Variants in PLEKHA7 observed in about 807,000 individuals in gnomAD.
PLEKHA7 encodes the protein pleckstrin homology domain-containing family A member 7.
A neutral mutation model predicts 170.0 loss-of-function variants in PLEKHA7; 104 were observed. That is an observed-to-expected ratio of 0.61 (90% confidence interval 0.52 to 0.72). The LOEUF (loss-of-function observed/expected upper bound fraction) is 0.72, where lower values mean the gene tolerates loss of function less well. PLEKHA7 is among the 30% of genes least tolerant of loss of function. The probability of loss-of-function intolerance (pLI) is 0.00; values close to 1 mark genes in which losing one functional copy is unlikely to be tolerated. For missense variants in PLEKHA7, 1,615 were observed against 1,671.7 expected (o/e 0.97, Z 0.59); for synonymous variants, 648 against 660.8 (o/e 0.98, Z 0.30).
intron 3 of PLEKHA7, among the ~76,000 whole-genome samples, chr11:16,990,103 G>C (rs1252887338): frequency 1.3e-5 from 2 of 151,864 alleles, no homozygotes; most frequent in African/African-American, 4.8e-5. Flanking sequence ...GTGGAGGAGA[G>C]TTGATGCCAG....
chr11:16,903,523 T>C (rs1857466432), intron 3 of PLEKHA7, among the ~76,000 whole-genome samples: 1 of 152,096 alleles, frequency 6.6e-6, no homozygotes, highest in Non-Finnish European at 1.5e-5. Context: ...TATCTTTCAT[T>C]TTTTTGTTGC....
chr11:16,808,541 C>T (rs1202128555), intron 13 of PLEKHA7, among the ~76,000 whole-genome samples: 1 of 152,198 alleles, frequency 6.6e-6, no homozygotes, highest in Non-Finnish European at 1.5e-5. Flanking sequence ...ACAGCCTGAA[C>T]AGAAAAGTCC....
intron 3 of PLEKHA7, among the ~76,000 whole-genome samples, chr11:16,932,278 C>CT (rs11372688): frequency 0.96 from 133,620 of 139,544 alleles, 64,208 homozygotes; most frequent in Non-Finnish European, 0.98. Flanking sequence ...TTATTCATTC[C>CT]TTTTTTTTTT....
intron 8 of PLEKHA7, among the ~76,000 whole-genome samples, chr11:16,848,066 G>GGGAT (rs1028961613): frequency 6.6e-6 from 1 of 152,160 alleles, no homozygotes; most frequent in African/African-American, 2.4e-5. Context: ...CCCCAGGGAA[G>GGGAT]GGATGGTGGT....
Position 16,789,388 on chromosome 11 carries a change from C to T in PLEKHA7, c.3157-92G>A, listed in dbSNP as rs529497013. ...CCTGCTGGCTGCATTCCCGTTGTCT[C>T]TCTCTCACACACATGCACACTCTAG... On this transcript the variant is annotated intron_variant, in intron 22 of 26. Transcript: ENST00000531066. This position sits in a 1 kb window ranked among gnomAD's most constrained non-coding sequence, Gnocchi z 4.6. 7 of 1,213,562 alleles carry T rather than the reference C, an allele frequency of 5.8e-6. 1 individual carries two copies. In the South Asian group the frequency reaches 8.9e-5, roughly 15 times the overall value. The allele number at this position is 1,213,562 out of a possible 1,614,324, so 75.2% of individuals were successfully genotyped here. A position where few individuals can be genotyped will look rare whatever the true frequency, so the allele number is the denominator to read the frequency against.
At chr11:16,855,988 G>T (rs1297242216) in intron 4 of PLEKHA7, 74 bp from the exon 5 acceptor site, 1 of 1,250,342 alleles carries the variant, frequency 8.0e-7, no homozygotes, top group Non-Finnish European at 1.2e-6. Context: ...ATCAGTTCCA[G>T]GTAGGAATCG....
chr11:16,837,800 A>G (rs1479156955), intron 9 of PLEKHA7, among the ~76,000 whole-genome samples: 1 of 152,184 alleles, frequency 6.6e-6, no homozygotes, highest in African/African-American at 2.4e-5. Context: ...AAGAAGAATG[A>G]TCTTCACCAG....
intron 3 of PLEKHA7, among the ~76,000 whole-genome samples, chr11:16,977,966 C>T (rs1221276298): frequency 6.6e-6 from 1 of 152,110 alleles, no homozygotes; most frequent in Non-Finnish European, 1.5e-5. Flanking sequence ...CAAGGCTTTC[C>T]CTCCCCCTTT....
At chr11:16,998,289 C>G (rs563875234) in intron 3 of PLEKHA7, among the ~76,000 whole-genome samples, 5 of 152,084 alleles carry the variant, frequency 3.3e-5, no homozygotes, top group African/African-American at 7.2e-5. Flanking sequence ...AAACCCAACA[C>G]GAACCTTCAG....
chr11:16,862,023 G>GAC (rs1853997034), intron 4 of PLEKHA7, among the ~76,000 whole-genome samples: 2 of 152,238 alleles, frequency 1.3e-5, no homozygotes, highest in East Asian at 1.9e-4. Flanking sequence ...CAGAGAAAGA[G>GAC]ACACACACAG....
At chr11:16,923,765 C>T (rs879351637) in intron 3 of PLEKHA7, among the ~76,000 whole-genome samples, 4 of 152,158 alleles carry the variant, frequency 2.6e-5, no homozygotes, top group Admixed American at 2.6e-4. Flanking sequence ...CTTTGCCCCT[C>T]CCCGCCTTAC....
intron 3 of PLEKHA7, among the ~76,000 whole-genome samples, chr11:16,883,429 A>G (rs2135818503): frequency 6.6e-6 from 1 of 152,332 alleles, no homozygotes; most frequent in Admixed American, 6.5e-5. Flanking sequence ...CCTTGTTACC[A>G]GTTTAAGCAT....
chr11:16,831,083 G>A (rs982884514), intron 9 of PLEKHA7, among the ~76,000 whole-genome samples: 2 of 152,144 alleles, frequency 1.3e-5, no homozygotes, highest in African/African-American at 4.8e-5. Context: ...CTTGCCACTG[G>A]GCAGTTTTCT....
At chr11:16,852,187 C>A in intron 7 of PLEKHA7, 96 bp downstream of exon 7, 8 of 1,016,082 alleles carry the variant, frequency 7.9e-6, no homozygotes, top group Non-Finnish European at 1.2e-5. Flanking sequence ...ACAGATTGAA[C>A]TTCCTGTGTT....
chr11:17,009,116 T>G (rs1009507631), intron 3 of PLEKHA7, among the ~76,000 whole-genome samples: 1 of 152,096 alleles, frequency 6.6e-6, no homozygotes, highest in Admixed American at 6.5e-5. Context: ...TGGGCATTCA[T>G]CTCCTTCAAG....
In PLEKHA7 at chr11:17,012,258, C is replaced by T. The variant is rs954689699; in HGVS notation, c.221+1731G>A. ...AATAAAGTATGAAAATTCCTCACCCCGGCTCACAAAGCTTTGCGGCATTTA... is the reference window on the plus strand; with the variant it reads ...AATAAAGTATGAAAATTCCTCACCCTGGCTCACAAAGCTTTGCGGCATTTA... On this transcript the variant is annotated intron_variant, in intron 3 of 26. Coordinates refer to ENST00000531066, the MANE Select transcript of PLEKHA7 (RefSeq NM_001329630.2). Among the ~76,000 whole-genome samples the T allele has an allele frequency of 2.6e-5, 4 of 152,292 alleles. No individual in the cohort carries two copies. The Middle Eastern group carries it at 0.01, about 389-fold the overall frequency.
chr11:16,846,623 G>A (rs1371150315), intron 8 of PLEKHA7, among the ~76,000 whole-genome samples: 1 of 152,220 alleles, frequency 6.6e-6, no homozygotes, highest in African/African-American at 2.4e-5. Flanking sequence ...CTCAAAAGAT[G>A]TCAGTTGATG....
chr11:16,864,269 G>A (rs111830950), intron 4 of PLEKHA7, among the ~76,000 whole-genome samples: 1,852 of 152,174 alleles, frequency 0.012, 19 homozygotes, highest in Non-Finnish European at 0.016. Context: ...CTTCCTCACA[G>A]GATTGCTGTG....
chr11:16,903,726 A>G (rs1379924457), intron 3 of PLEKHA7, among the ~76,000 whole-genome samples: 2 of 152,240 alleles, frequency 1.3e-5, no homozygotes, highest in East Asian at 3.9e-4. Flanking sequence ...AGAGTCCTCC[A>G]GGCAGAAATA....
Sources: allele counts gnomAD v4.1 joint callset (sites outside exome capture counted in the v4.1 genomes callset), GRCh38; gene constraint gnomAD v4.1.1; non-coding constraint Gnocchi (gnomAD v3.1); transcripts MANE v1.5; gene names NCBI Gene and HGNC (gene_info 2026-07-23, HGNC 2026-07-21).